Variants in ADGRF1 observed in about 807,000 individuals in gnomAD.
The protein encoded by ADGRF1 is adhesion G protein-coupled receptor F1.
A neutral mutation model predicts 87.2 loss-of-function variants in ADGRF1; 85 were observed. The ratio of observed to expected loss-of-function variants is 0.97; its 90% CI spans 0.82 to 1.17. The LOEUF (loss-of-function observed/expected upper bound fraction) is 1.17. Ranked by LOEUF, ADGRF1 falls within the 50% of genes most tolerant of loss-of-function variation. The pLI, the probability that ADGRF1 is intolerant of heterozygous loss-of-function variation, is 0.00. For synonymous variants in ADGRF1, 430 were observed against 408.8 expected, an observed-to-expected ratio of 1.05 and a Z score of -0.63; for missense variants, 1,169 against 1,077.2, an observed-to-expected ratio of 1.09 and a Z score of -1.19.
At chr6:47,034,469 T>A (rs1780530523) in intron 1 of ADGRF1, among the ~76,000 whole-genome samples, 1 of 152,222 alleles carries the variant, frequency 6.6e-6, no homozygotes, top group African/African-American at 2.4e-5. Context: ...TCTGGACTTG[T>A]AAGTCTGGAA....
At position 47,015,061 on chromosome 6, in the gene ADGRF1, C is replaced by T. The variant is rs536010672; in HGVS notation, c.764-217G>A. On this transcript the variant is annotated intron_variant, in intron 8 of 14. Coordinates refer to ENST00000371253, the MANE Select transcript of ADGRF1 (RefSeq NM_153840.4). ...TGCCTTACCCTCCCTGAGGCTGACT[C>T]CTCCTTCCAGGTGTCCGATCTGTGC... Among the ~76,000 whole-genome samples, 3 of 152,322 alleles carry T rather than the reference C, an allele frequency of 2.0e-5. No individual in the cohort carries two copies. The South Asian group carries it at 6.2e-4, about 32-fold the overall frequency.
intron 7 of ADGRF1, chr6:47,020,012 C>T (rs1346594025): frequency 3.5e-5 from 35 of 989,832 alleles, no homozygotes; most frequent in Non-Finnish European, 4.2e-5. Flanking sequence ...AATTATGAGG[C>T]ATCATATCTC....
Position 47,009,392 on chromosome 6 carries a change from C to A in ADGRF1, c.2043G>T (p.Leu681=). The change falls in exon 11 of 15, where the codon CTG becomes CTT. Residue 681 remains leucine, a synonymous_variant. Transcript: ENST00000371253. ...ACACGAGGATGATCCGGTAAGCCAG[C>A]AGGATGCCAAGCATGAGCATCCAGA... The part of the protein sequence containing the change: ...LFFWMLMLGI[L]LAYRIILVFH... 1.9e-6 allele frequency: 3 copies of A among 1,614,064 alleles called. No homozygotes were observed. The highest frequency in any genetic ancestry group is 1.3e-5 in the African/African-American group (1 of 75,042).
intron 2 of ADGRF1, among the ~76,000 whole-genome samples, chr6:47,028,116 G>A (rs1417983290): frequency 6.6e-6 from 1 of 152,138 alleles, no homozygotes; most frequent in Non-Finnish European, 1.5e-5. Context: ...AAACTGCTGG[G>A]TAGCTTTGAA....
chr6:47,012,242 T>C (rs1206213589), intron 9 of ADGRF1, 47 bp from the exon 10 acceptor site: 32 of 1,588,190 alleles, frequency 2.0e-5, no homozygotes, highest in African/African-American at 4.0e-5. Context: ...ACATGCTGTG[T>C]TTCATCAAAT....
At chr6:47,018,277 C>A in intron 7 of ADGRF1, 2 of 726,632 alleles carry the variant, frequency 2.8e-6, no homozygotes, top group South Asian at 3.7e-5. Flanking sequence ...TTAAGTCAAT[C>A]CTGCAATAAC....
chr6:47,008,413 C>T (rs1237724969), intron 11 of ADGRF1, among the ~76,000 whole-genome samples: 1 of 152,198 alleles, frequency 6.6e-6, no homozygotes, highest in African/African-American at 2.4e-5. Context: ...GCTTTGCGGG[C>T]TATACGGTTT....
At chr6:47,023,692 T>C (rs1780140315) in intron 5 of ADGRF1, among the ~76,000 whole-genome samples, 1 of 152,236 alleles carries the variant, frequency 6.6e-6, no homozygotes, top group Non-Finnish European at 1.5e-5. Flanking sequence ...GAAATTGATG[T>C]TGGCAAAAGA....
Position 47,005,943 on chromosome 6 carries a change from A to G in ADGRF1, c.2533-67T>C, listed in dbSNP as rs1779514121. 41 of 1,004,308 alleles carry G rather than the reference A, an allele frequency of 4.1e-5. No homozygotes were observed. In the South Asian group the frequency reaches 5.3e-4, roughly 13 times the overall value. The allele number at this position is 1,004,308 out of a possible 1,614,324, so 62.2% of individuals were successfully genotyped here. On this transcript the variant is annotated intron_variant, in intron 12 of 14. Transcript: ENST00000371253. ...ATCATACACAGACAAATCAAGAACAACTGCAGGTTGAAATGGTTATTTAAT... is the reference window on the plus strand; with the variant it reads ...ATCATACACAGACAAATCAAGAACAGCTGCAGGTTGAAATGGTTATTTAAT...
Position 47,000,274 on chromosome 6 carries a change from G to C in ADGRF1, c.2681C>G (p.Thr894Ser), listed in dbSNP as rs1382262289. 1.9e-6 allele frequency: 3 copies of C among 1,602,164 alleles called. No homozygotes were observed. Among genetic ancestry groups the C allele is most frequent in the Admixed American group, 1.7e-5 (1 of 59,902 alleles). ...CATGATGTTGTCGGAGGAATCTCCA[G>C]TATGAGAAAATGCATAATGGCCTGA... is the stretch of plus-strand genomic sequence containing the variant. Reference protein sequence around the residue: ...QNKGHYAFSHTGDSSDNIMLT... With the variant: ...QNKGHYAFSHSGDSSDNIMLT... Residue 894 changes from threonine (T) to serine (S), a missense_variant, in exon 15 of 15, where the codon ACT (threonine) becomes AGT (serine). Transcript: ENST00000371253.
chr6:47,027,771 AG>A lies in ADGRF1; in HGVS notation c.70-11del. 6.8e-7 allele frequency: 1 copy of A among 1,477,648 alleles called. No individual in the cohort carries two copies. Among genetic ancestry groups the A allele is most frequent in the African/African-American group, 1.5e-5 (1 of 68,752 alleles). 91.5% of individuals were successfully genotyped at this position (1,477,648 alleles called of 1,614,324 possible). Reference sequence around the variant, plus strand: ...TGATGCCATCATTTTTCTGTTAAAAAGAAAAAAAATAGTTACGGTGAGACTT... The same window carrying A: ...TGATGCCATCATTTTTCTGTTAAAAAAAAAAAAATAGTTACGGTGAGACTT... On this transcript the variant is annotated splice_polypyrimidine_tract_variant and intron_variant, in intron 2 of 14. Coordinates refer to ENST00000371253, the MANE Select transcript of ADGRF1 (RefSeq NM_153840.4).
intron 6 of ADGRF1, among the ~76,000 whole-genome samples, chr6:47,021,158 C>T (rs534089335): frequency 2.0e-5 from 3 of 152,190 alleles, no homozygotes; most frequent in Admixed American, 6.5e-5. Context: ...GTACTTAGAC[C>T]GAATCCATCT....
At chr6:47,030,826 G>A (rs1350323647) in intron 1 of ADGRF1, among the ~76,000 whole-genome samples, 2 of 151,632 alleles carry the variant, frequency 1.3e-5, no homozygotes, top group East Asian at 1.9e-4. Context: ...GCAGTGGCAT[G>A]ATCTCGGCTC....
chr6:47,026,020 A>T lies in ADGRF1; in HGVS notation c.128-17T>A, dbSNP rs775058263. 126 of 1,551,050 alleles carry T rather than the reference A, an allele frequency of 8.1e-5. No individual in the cohort carries two copies. The highest frequency in any genetic ancestry group is 9.9e-5 in the Non-Finnish European group (114 of 1,148,090). ...CGACTGGGCCTAAAGAGAGAAAGAG[A>T]GTCAGAAACCTTTTTTTCTGTCCTT... On this transcript the variant is annotated splice_polypyrimidine_tract_variant and intron_variant, in intron 3 of 14. Coordinates refer to ENST00000371253, the MANE Select transcript of ADGRF1 (RefSeq NM_153840.4).
At chr6:47,031,894 A>C (rs1401903694) in intron 1 of ADGRF1, among the ~76,000 whole-genome samples, 1 of 151,926 alleles carries the variant, frequency 6.6e-6, no homozygotes, top group African/African-American at 2.4e-5. Flanking sequence ...TTTTTTTTGT[A>C]GAGACAAGGT....
chr6:47,009,724 T>A lies in ADGRF1; in HGVS notation c.1711A>T (p.Ile571Leu), dbSNP rs1779643527. 7 of 1,614,164 alleles carry A rather than the reference T, an allele frequency of 4.3e-6. No homozygotes were observed. Among genetic ancestry groups the A allele is most frequent in the Non-Finnish European group, 5.9e-6 (7 of 1,180,014 alleles). Residue 571 changes from isoleucine to leucine, a missense_variant, in exon 11 of 15, where the codon ATA becomes TTA. By Grantham distance (5) the Ile-to-Leu change is conservative. Coordinates refer to ENST00000371253, the MANE Select transcript of ADGRF1 (RefSeq NM_153840.4). ...GAGGGGACAAAAGGTGACATCAATA[T>A]GGAGAAGGAGGTCAAGTGAGTACAT... ...CQCTHLTSFSILMSPFVPSTI... is the reference protein window; with the variant it reads ...CQCTHLTSFSLLMSPFVPSTI...
At position 47,009,454 on chromosome 6, in the gene ADGRF1, C is replaced by G. The variant is rs1176732016; in HGVS notation, c.1981G>C (p.Val661Leu). The change falls in exon 11 of 15, where the codon GTG becomes CTG. Residue 661 changes from valine (V) to leucine (L), a missense_variant. Transcript: ENST00000371253. ...AGGTAGAAGAAGTGTGTAAAGAACA[C>G]AGCAGCTGTGCAGACTCCAGAAGGG... The part of the protein sequence containing the change: ...VNPSGVCTAA[V>L]FFTHFFYLSL... 2 of 1,613,918 alleles carry G rather than the reference C, an allele frequency of 1.2e-6. No homozygotes were observed.
chr6:47,018,429 C>A, intron 7 of ADGRF1: 1 of 1,288,838 alleles, frequency 7.8e-7, no homozygotes, highest in Non-Finnish European at 1.0e-6. Context: ...CTTCTGCTCA[C>A]AATGTATAAA....
intron 5 of ADGRF1, 143 bp from the exon 6 acceptor site, chr6:47,022,201 A>G (rs1184354535): frequency 1.8e-6 from 1 of 564,198 alleles, no homozygotes; most frequent in East Asian, 3.4e-5. Context: ...GTTCACCTAA[A>G]ATAACACAGG....
Sources: gnomAD v4.1 joint callset for allele counts (sites outside exome capture counted in the v4.1 genomes callset) on GRCh38, gnomAD v4.1.1 for gene constraint, MANE v1.5 for transcripts, NCBI Gene and HGNC (gene_info 2026-07-23, HGNC 2026-07-21) for gene names.